Variants in DOCK5 observed in about 807,000 individuals in gnomAD.
DOCK5 encodes dedicator of cytokinesis 5, also known as dedicator of cytokinesis protein 5.
Under a neutral mutation model 251.8 loss-of-function variants are expected in DOCK5, and 142 were observed. The observed-to-expected ratio is 0.56, with a 90% CI of 0.49 to 0.65. The LOEUF (loss-of-function observed/expected upper bound fraction) is 0.65, where lower values mean the gene tolerates loss of function less well. DOCK5 is among the 30% of genes least tolerant of loss of function. DOCK5 has a pLI of 0.00. For synonymous variants in DOCK5, 842 were observed against 835.5 expected (o/e 1.01, Z -0.13); for missense variants, 2,111 against 2,312.3 (o/e 0.91, Z 1.79).
rs1294892479 is a variant in DOCK5 at position 25,345,513 on chromosome 8, C to G, written c.2656C>G (p.Leu886Val). The G allele has an allele frequency of 6.2e-7, 1 of 1,613,926 alleles. No homozygotes were observed. Among genetic ancestry groups the G allele is most frequent in the Admixed American group, 1.7e-5 (1 of 60,026 alleles). The change falls in exon 26 of 52, where the codon CTC (leucine) becomes GTC (valine). Residue 886 changes from leucine to valine, a missense_variant. Around this residue, in one of 3 missense-constraint regions of DOCK5, gnomAD observed 1,717 missense variants for 1,892.4 expected, o/e 0.91. Transcript: ENST00000276440. The part of the protein sequence containing the change: ...EVLLPLLTDQ[L>V]SGQLDDNSNK... ...GCTGCTGCCACTGCTGACAGACCAGCTCAGCGGCCAGTTAGATGACAACTC... is the reference window on the plus strand; with the variant it reads ...GCTGCTGCCACTGCTGACAGACCAGGTCAGCGGCCAGTTAGATGACAACTC...
At chr8:25,228,130 G>C (rs1401651494) in intron 1 of DOCK5, among the ~76,000 whole-genome samples, 1 of 152,140 alleles carries the variant, frequency 6.6e-6, no homozygotes, top group Non-Finnish European at 1.5e-5. Flanking sequence ...GCCTGCCTTG[G>C]CCTCCCAAAG....
chr8:25,336,098 C>A, intron 21 of DOCK5, 141 bp from the exon 22 acceptor site: 2 of 830,674 alleles, frequency 2.4e-6, no homozygotes, highest in Non-Finnish European at 1.8e-6. Context: ...GTTAATTTTG[C>A]TGTTCAGGGC....
intron 1 of DOCK5, among the ~76,000 whole-genome samples, chr8:25,217,287 A>G (rs2117490475): frequency 6.6e-6 from 1 of 151,540 alleles, no homozygotes; most frequent in African/African-American, 2.4e-5. Context: ...ATGCATATAT[A>G]CACACAATAT....
chr8:25,397,788 G>A (rs555666483), intron 45 of DOCK5, among the ~76,000 whole-genome samples: 44 of 104,036 alleles, frequency 4.2e-4, no homozygotes, highest in Non-Finnish European at 6.7e-4. Context: ...TTTTTCCAGC[G>A]TGACAGTGTT....
chr8:25,277,345 G>GTCA (rs1804068615), intron 4 of DOCK5: 1 of 152,798 alleles, frequency 6.5e-6, no homozygotes, highest in East Asian at 1.9e-4. Context: ...TGTTACCAAA[G>GTCA]GGCCTTATTT....
intron 28 of DOCK5, 70 bp downstream of exon 28, chr8:25,359,131 T>A: frequency 7.6e-7 from 1 of 1,318,358 alleles, no homozygotes; most frequent in South Asian, 1.2e-5. Flanking sequence ...TGACTGAAGC[T>A]GAGCATCGTG....
chr8:25,201,468 G>C (rs1261598981), intron 1 of DOCK5, among the ~76,000 whole-genome samples: 1 of 152,194 alleles, frequency 6.6e-6, no homozygotes, highest in Non-Finnish European at 1.5e-5. Flanking sequence ...TACTGAAGAA[G>C]ATTGAGATAC....
Position 25,386,911 on chromosome 8 carries a change from C to G in DOCK5, c.4132-2180C>G, listed in dbSNP as rs144008882. Among the ~76,000 whole-genome samples the G allele has an allele frequency of 3.1e-3, 471 of 152,228 alleles. 2 individuals carry two copies. Among genetic ancestry groups the G allele is most frequent in the African/African-American group, 0.011 (457 of 41,536 alleles). On this transcript the variant is annotated intron_variant, in intron 40 of 51. Transcript: ENST00000276440. Reference sequence around the variant, plus strand: ...TAATTTAGAAAAATAATGCCTACATCGCAGGAAAGTTTTGAGAATTAAGTT... The same window carrying G: ...TAATTTAGAAAAATAATGCCTACATGGCAGGAAAGTTTTGAGAATTAAGTT...
At chr8:25,234,914 T>A (rs1434935179) in intron 1 of DOCK5, among the ~76,000 whole-genome samples, 2 of 152,194 alleles carry the variant, frequency 1.3e-5, no homozygotes, top group Non-Finnish European at 2.9e-5. Context: ...CCTTCCTGAT[T>A]CACTGTTTTC....
intron 8 of DOCK5, among the ~76,000 whole-genome samples, chr8:25,299,778 T>C (rs1012084122): frequency 6.6e-6 from 1 of 152,172 alleles, no homozygotes; most frequent in Non-Finnish European, 1.5e-5. Context: ...ACAGTGGTAC[T>C]ACTGTTTAGC....
Position 25,313,646 on chromosome 8 carries a change from G to A in DOCK5, c.1318+3114G>A, listed in dbSNP as rs185298475. 2.0e-3 allele frequency among the ~76,000 whole-genome samples: 305 copies of A among 152,294 alleles called. 2 individuals are homozygous for A. The highest frequency in any genetic ancestry group is 6.9e-3 in the African/African-American group (286 of 41,550). ...TTTATTTTCTCACAACAAAGGACAG[G>A]GACTGGAAATTCAACACCAAGGTGA... On this transcript the variant is annotated intron_variant, in intron 13 of 51. Coordinates refer to ENST00000276440, the MANE Select transcript of DOCK5 (RefSeq NM_024940.8).
intron 40 of DOCK5, among the ~76,000 whole-genome samples, chr8:25,388,602 GC>G: frequency 6.6e-6 from 1 of 152,306 alleles, no homozygotes; most frequent in African/African-American, 2.4e-5. Flanking sequence ...AAGACACATT[GC>G]TTCTCCTCAT....
chr8:25,389,361 G>A (rs1801218638), intron 41 of DOCK5, 129 bp downstream of exon 41: 8 of 1,243,662 alleles, frequency 6.4e-6, no homozygotes, highest in Non-Finnish European at 7.7e-6. Context: ...TTCTGACACA[G>A]GTTCCCATTC....
In DOCK5 at chr8:25,410,193, C is replaced by A. The variant is rs1309712989; in HGVS notation, c.5499C>A (p.Asn1833Lys). 8.7e-6 allele frequency: 14 copies of A among 1,613,346 alleles called. No homozygotes were observed. Among genetic ancestry groups the A allele is most frequent in the Non-Finnish European group, 1.2e-5 (14 of 1,179,714 alleles). The change falls in exon 51 of 52, where the codon AAC becomes AAA. Residue 1833 changes from asparagine (N) to lysine (K), a missense_variant. Transcript: ENST00000276440. ...KSKPYEGSQR[N>K]STELAPPLPV... is the part of the protein sequence containing the mutation. ...AGCCCTATGAAGGCAGCCAGAGGAA[C>A]TCCACTGAGGTAGGGAAATCACAGC...
intron 31 of DOCK5, among the ~76,000 whole-genome samples, chr8:25,367,593 A>C (rs1416855203): frequency 6.6e-6 from 1 of 152,190 alleles, no homozygotes; most frequent in African/African-American, 2.4e-5. Context: ...GATATGTAGG[A>C]AAATTATTTA....
intron 5 of DOCK5, among the ~76,000 whole-genome samples, chr8:25,285,713 C>T (rs1374643975): frequency 2.0e-5 from 3 of 152,136 alleles, no homozygotes; most frequent in African/African-American, 4.8e-5. Context: ...GCTGCTGGAA[C>T]GTAATCTCTG....
At chr8:25,382,921 A>G (rs11779690) in intron 40 of DOCK5, 143 bp downstream of exon 40, 242,816 of 640,806 alleles carry the variant, frequency 0.38, 47,921 homozygotes, top group Non-Finnish European at 0.4. Flanking sequence ...CTTCCTGAGC[A>G]GCCGGCCTCT....
chr8:25,306,669 C>T (rs535346533), intron 11 of DOCK5, among the ~76,000 whole-genome samples: 12 of 150,630 alleles, frequency 8.0e-5, no homozygotes, highest in Admixed American at 4.0e-4. Flanking sequence ...ACTCCAGCCT[C>T]GGCGACAGAG....
chr8:25,239,331 G>GTGTGTA (rs1232802236), intron 1 of DOCK5, among the ~76,000 whole-genome samples: 38 of 129,846 alleles, frequency 2.9e-4, no homozygotes, highest in African/African-American at 1.0e-3. Flanking sequence ...GTGTGTGTGT[G>GTGTGTA]TGTGTGTGTA....
Sources: gnomAD v4.1 joint callset for allele counts (sites outside exome capture counted in the v4.1 genomes callset) on GRCh38, gnomAD v4.1.1 for gene constraint, gnomAD v4.1.1 regional missense constraint, MANE v1.5 for transcripts, NCBI Gene and HGNC (gene_info 2026-07-23, HGNC 2026-07-21) for gene names.